The following SLC2A13 variants were observed in gnomAD, a reference collection of about 807,000 sequenced individuals.
SLC2A13 encodes proton myo-inositol cotransporter.
Under a neutral mutation model 64.4 loss-of-function variants are expected in SLC2A13, and 32 were observed. The ratio of observed to expected loss-of-function variants is 0.50; its 90% CI spans 0.37 to 0.67. SLC2A13 has a LOEUF of 0.67. Ranked by LOEUF, SLC2A13 falls within the 30% of genes least tolerant of loss-of-function variation. SLC2A13 has a pLI of 0.00. For synonymous variants in SLC2A13, 338 were observed against 327.1 expected (o/e 1.03, Z -0.36); for missense variants, 743 against 829.2 (o/e 0.90, Z 1.28).
At chr12:39,812,996 ATTTTTTTTTTTT>A (rs71449493) in intron 7 of SLC2A13, among the ~76,000 whole-genome samples, 1,027 of 40,630 alleles carry the variant, frequency 0.025, 35 homozygotes, top group African/African-American at 0.086. Context: ...TGCCCAGCTA[ATTTTTTTTTTTT>A]TTTTTTTTTT....
At chr12:39,992,083 G>A (rs1947147339) in intron 3 of SLC2A13, among the ~76,000 whole-genome samples, 1 of 152,154 alleles carries the variant, frequency 6.6e-6, no homozygotes, top group South Asian at 2.1e-4. Context: ...CCACCACTGA[G>A]CTCCCCTGGT....
intron 5 of SLC2A13, among the ~76,000 whole-genome samples, chr12:39,869,120 A>T (rs1045061611): frequency 1.3e-5 from 2 of 152,238 alleles, no homozygotes; most frequent in African/African-American, 4.8e-5. Flanking sequence ...TCAAGTATAT[A>T]TCTACATATA....
intron 4 of SLC2A13, among the ~76,000 whole-genome samples, chr12:39,887,176 AT>A (rs1288826052): frequency 3.3e-5 from 5 of 152,222 alleles, no homozygotes; most frequent in Admixed American, 3.3e-4. Context: ...AAGTATTTTC[AT>A]TTTTGATAAA....
intron 4 of SLC2A13, among the ~76,000 whole-genome samples, chr12:39,927,998 G>T (rs940115922): frequency 6.6e-6 from 1 of 152,030 alleles, no homozygotes; most frequent in Non-Finnish European, 1.5e-5. Context: ...CTATAAGCTT[G>T]GTATGAAGTA....
intron 7 of SLC2A13, among the ~76,000 whole-genome samples, chr12:39,821,393 G>A (rs1041556405): frequency 2.0e-5 from 3 of 151,926 alleles, no homozygotes; most frequent in East Asian, 3.9e-4. Flanking sequence ...CTGGGTAACA[G>A]AGCAAGACTC....
At chr12:39,855,174 G>T (rs942981374) in intron 6 of SLC2A13, among the ~76,000 whole-genome samples, 1 of 152,058 alleles carries the variant, frequency 6.6e-6, no homozygotes, top group African/African-American at 2.4e-5. Context: ...GGCTATATTT[G>T]TTACTTAATG....
chr12:40,004,233 G>A (rs1403253405), intron 3 of SLC2A13, among the ~76,000 whole-genome samples: 6 of 151,958 alleles, frequency 3.9e-5, no homozygotes, highest in Non-Finnish European at 7.4e-5. Flanking sequence ...TGCCCAGGCT[G>A]GAGTGCAATG....
intron 4 of SLC2A13, among the ~76,000 whole-genome samples, chr12:39,885,391 T>C (rs1944442791): frequency 6.6e-6 from 1 of 152,104 alleles, no homozygotes; most frequent in Non-Finnish European, 1.5e-5. Context: ...CTTTATTCAG[T>C]CATCTAACAT....
intron 3 of SLC2A13, among the ~76,000 whole-genome samples, chr12:39,969,722 T>G (rs1591962318): frequency 6.6e-6 from 1 of 152,366 alleles, no homozygotes; most frequent in East Asian, 1.9e-4. Flanking sequence ...ATGAATAGAT[T>G]GCAAAAATTT....
At chr12:40,095,538 T>G (rs1019753752) in intron 1 of SLC2A13, among the ~76,000 whole-genome samples, 1 of 152,254 alleles carries the variant, frequency 6.6e-6, no homozygotes, top group African/African-American at 2.4e-5. Flanking sequence ...TTAATGTCAA[T>G]GTGATGTGGT....
At chr12:39,972,176 G>A (rs1467216551) in intron 3 of SLC2A13, among the ~76,000 whole-genome samples, 4 of 117,978 alleles carry the variant, frequency 3.4e-5, no homozygotes, top group Non-Finnish European at 7.2e-5. Flanking sequence ...GTGAAAAAAT[G>A]AAGGTATAAA....
At chr12:39,919,814 T>G (rs559528270) in intron 4 of SLC2A13, among the ~76,000 whole-genome samples, 1 of 152,294 alleles carries the variant, frequency 6.6e-6, no homozygotes, top group East Asian at 1.9e-4. Flanking sequence ...AGATAATTCC[T>G]CATCCAAGTC....
intron 4 of SLC2A13, among the ~76,000 whole-genome samples, chr12:39,889,916 A>G (rs1224061106): frequency 6.6e-6 from 1 of 152,172 alleles, no homozygotes; most frequent in African/African-American, 2.4e-5. Context: ...TTTACTGAAA[A>G]TAAATATAAT....
intron 9 of SLC2A13, 32 bp downstream of exon 9, chr12:39,764,428 A>G (rs762677121): frequency 6.6e-7 from 1 of 1,511,196 alleles, no homozygotes. Context: ...AAAAATAAAA[A>G]CAAAACTATG....
chr12:40,081,174 T>A (rs530088802), intron 1 of SLC2A13, among the ~76,000 whole-genome samples: 2 of 152,230 alleles, frequency 1.3e-5, no homozygotes, highest in Admixed American at 1.3e-4. Context: ...CTGATGACTA[T>A]CTATCTTCAA....
chr12:39,963,268 CAG>C (rs542084847), intron 3 of SLC2A13, among the ~76,000 whole-genome samples: 64 of 117,744 alleles, frequency 5.4e-4, no homozygotes, highest in African/African-American at 1.8e-3. Flanking sequence ...GCCTGGGCGA[CAG>C]AGCGAGACTC....
intron 6 of SLC2A13, among the ~76,000 whole-genome samples, chr12:39,835,166 G>A (rs4350423): frequency 0.7 from 105,605 of 151,942 alleles, 37,036 homozygotes; most frequent in Admixed American, 0.78. Context: ...GCAGATATTA[G>A]GCCTATTTGT....
intron 4 of SLC2A13, among the ~76,000 whole-genome samples, chr12:39,893,102 A>G (rs1192962339): frequency 6.6e-6 from 1 of 152,224 alleles, no homozygotes; most frequent in Non-Finnish European, 1.5e-5. Flanking sequence ...GAGAAAACTA[A>G]TCCACAAGTA....
At chr12:40,083,306 C>T (rs1471259942) in intron 1 of SLC2A13, among the ~76,000 whole-genome samples, 1 of 152,120 alleles carries the variant, frequency 6.6e-6, no homozygotes, top group Non-Finnish European at 1.5e-5. Context: ...CCCTAGGGTC[C>T]TCTTTTCCAA....
Sources: allele counts gnomAD v4.1 joint callset (sites outside exome capture counted in the v4.1 genomes callset), GRCh38; gene constraint gnomAD v4.1.1; transcripts MANE v1.5; gene names NCBI Gene and HGNC (gene_info 2026-07-23, HGNC 2026-07-21).